The following FGF12 variants were observed in gnomAD, a reference collection of about 807,000 sequenced individuals.
The protein encoded by FGF12 is fibroblast growth factor 12, also known as fibroblast growth factor 12B.
A neutral mutation model predicts 23.6 loss-of-function variants in FGF12; 14 were observed. The ratio of observed to expected loss-of-function variants is 0.59; its 90% CI spans 0.39 to 0.93. The LOEUF is 0.93. Among genes scored for constraint, FGF12 ranks in the 40% least tolerant of loss-of-function variants. The pLI is 0.00. For missense variants in FGF12, 175 were observed against 217.8 expected, an observed-to-expected ratio of 0.80 and a Z score of 1.24; for synonymous variants, 62 against 77.3, an observed-to-expected ratio of 0.80 and a Z score of 1.04.
chr3:192,481,861 T>C (rs923544199), intron 2 of FGF12, among the ~76,000 whole-genome samples: 7 of 152,322 alleles, frequency 4.6e-5, no homozygotes, highest in Admixed American at 6.5e-5. Context: ...CTAACCACTA[T>C]GCAACATGTA....
intron 2 of FGF12, among the ~76,000 whole-genome samples, chr3:192,404,719 G>A (rs924177280): frequency 6.6e-6 from 1 of 152,148 alleles, no homozygotes; most frequent in African/African-American, 2.4e-5. Context: ...CAACTTTCCA[G>A]TTCAGGGTCT....
intron 3 of FGF12, among the ~76,000 whole-genome samples, chr3:192,356,746 A>G (rs973014986): frequency 3.3e-5 from 5 of 152,220 alleles, no homozygotes; most frequent in African/African-American, 1.2e-4. Context: ...AGATGCTCAT[A>G]GTAACAAGAT....
chr3:192,441,701 G>T (rs1722205612), intron 2 of FGF12, among the ~76,000 whole-genome samples: 1 of 152,174 alleles, frequency 6.6e-6, no homozygotes, highest in Non-Finnish European at 1.5e-5. Context: ...GAGATAGCAA[G>T]AGAAATTCCA....
At chr3:192,540,164 A>G (rs1725329302) in intron 2 of FGF12, among the ~76,000 whole-genome samples, 2 of 151,370 alleles carry the variant, frequency 1.3e-5, no homozygotes, top group Non-Finnish European at 3.0e-5. Context: ...AAACTTTATT[A>G]TTTTTTCTCT....
chr3:192,345,353 G>A (rs1263174374), intron 3 of FGF12, among the ~76,000 whole-genome samples: 2 of 152,206 alleles, frequency 1.3e-5, no homozygotes, highest in Non-Finnish European at 2.9e-5. Context: ...TGTGAACCTA[G>A]ATTCTGGTGG....
Position 192,514,814 on chromosome 3 carries a change from A to G in FGF12, c.14-154276T>C, listed in dbSNP as rs1724610854. 11 of 985,318 alleles carry G rather than the reference A, an allele frequency of 1.1e-5. No individual in the cohort carries two copies. Among genetic ancestry groups the G allele is most frequent in the Non-Finnish European group, 1.3e-5 (11 of 829,904 alleles). 61.0% of individuals were successfully genotyped at this position (985,318 alleles called of 1,614,324 possible). On this transcript the variant is annotated intron_variant, in intron 2 of 5. Coordinates refer to ENST00000445105, the MANE Select transcript of FGF12 (RefSeq NM_004113.6). The surrounding 1 kb of genome is among the most constrained non-coding windows in gnomAD (Gnocchi z 4.9). ...CCCGCCCACCTGCGCTAGTAGTCCA[A>G]CCAACAGGCGGCCTGTCTTCGGAAG...
At chr3:192,171,826 T>C (rs1347507354) in intron 4 of FGF12, among the ~76,000 whole-genome samples, 5 of 150,556 alleles carry the variant, frequency 3.3e-5, no homozygotes, top group African/African-American at 1.2e-4. Flanking sequence ...GTTGAAGCCA[T>C]GTCCTTGTAG....
chr3:192,205,741 C>T (rs910483183), intron 4 of FGF12, among the ~76,000 whole-genome samples: 1 of 152,168 alleles, frequency 6.6e-6, no homozygotes, highest in Non-Finnish European at 1.5e-5. Context: ...GGAAATCAGG[C>T]TCCCTGCTAT....
At chr3:192,675,919 C>G (rs1248674770) in intron 2 of FGF12, among the ~76,000 whole-genome samples, 1 of 152,188 alleles carries the variant, frequency 6.6e-6, no homozygotes, top group South Asian at 2.1e-4. Context: ...GGTGCCTATA[C>G]TCCCCTAATA....
At chr3:192,239,361 TG>T (rs1719476687) in intron 4 of FGF12, among the ~76,000 whole-genome samples, 1 of 152,232 alleles carries the variant, frequency 6.6e-6, no homozygotes, top group Non-Finnish European at 1.5e-5. Context: ...AACAAATCCC[TG>T]ATCTCTTACA....
chr3:192,608,632 A>T (rs1560168042), intron 2 of FGF12, among the ~76,000 whole-genome samples: 1 of 152,136 alleles, frequency 6.6e-6, no homozygotes, highest in Non-Finnish European at 1.5e-5. Flanking sequence ...AACACCCAAC[A>T]GATAGAAAAA....
intron 4 of FGF12, among the ~76,000 whole-genome samples, chr3:192,265,874 T>C (rs976664048): frequency 6.6e-6 from 1 of 152,182 alleles, no homozygotes; most frequent in Admixed American, 6.6e-5. Context: ...TTAGCAAATA[T>C]GGCAGTGACT....
intron 3 of FGF12, among the ~76,000 whole-genome samples, chr3:192,349,011 A>G (rs1373286027): frequency 1.3e-5 from 2 of 152,060 alleles, no homozygotes; most frequent in African/African-American, 2.4e-5. Context: ...TGACCATTTT[A>G]TTTTCCAAAT....
chr3:192,309,084 T>C (rs996080305), intron 4 of FGF12, among the ~76,000 whole-genome samples: 3 of 152,224 alleles, frequency 2.0e-5, no homozygotes, highest in African/African-American at 7.2e-5. Flanking sequence ...CAACTCCATT[T>C]CTGGGTATCA....
At chr3:192,654,796 G>A (rs7621372) in intron 2 of FGF12, among the ~76,000 whole-genome samples, 88,045 of 151,980 alleles carry the variant, frequency 0.58, 25,863 homozygotes, top group East Asian at 0.67. Context: ...TATGGTTTTC[G>A]TATATTCAAC....
intron 2 of FGF12, among the ~76,000 whole-genome samples, chr3:192,422,734 G>A (rs938233432): frequency 2.6e-5 from 4 of 152,094 alleles, no homozygotes; most frequent in African/African-American, 9.7e-5. Context: ...AAAGTAACTT[G>A]GCTAAGGTTA....
chr3:192,513,021 G>A (rs537720050), intron 2 of FGF12, among the ~76,000 whole-genome samples: 22 of 151,196 alleles, frequency 1.5e-4, no homozygotes, highest in Non-Finnish European at 2.4e-4. Context: ...TGGATCTATC[G>A]CTATTTAGGA....
intron 4 of FGF12, among the ~76,000 whole-genome samples, chr3:192,234,839 G>C (rs768774355): frequency 1.3e-5 from 2 of 152,050 alleles, no homozygotes; most frequent in African/African-American, 4.8e-5. Flanking sequence ...GTGATGAATC[G>C]CATTTATTGA....
In FGF12 at chr3:192,488,422, C is replaced by T. The variant is rs574328894; in HGVS notation, c.14-127884G>A. On this transcript the variant is annotated intron_variant, in intron 2 of 5. Transcript: ENST00000445105. ...CATTTCTTTCCTCTTCTTCCTCTTC[C>T]TGAGCAAAACTTCTTGGACGGAAAA... is the stretch of plus-strand genomic sequence containing the variant. Among the ~76,000 whole-genome samples, 4 of 152,168 alleles carry T rather than the reference C, an allele frequency of 2.6e-5. No homozygotes were observed. The South Asian group carries it at 8.3e-4, about 32-fold the overall frequency.
Sources: gnomAD v4.1 joint callset for allele counts (sites outside exome capture counted in the v4.1 genomes callset) on GRCh38, gnomAD v4.1.1 for gene constraint, Gnocchi (gnomAD v3.1) non-coding constraint, MANE v1.5 for transcripts, NCBI Gene and HGNC (gene_info 2026-07-23, HGNC 2026-07-21) for gene names.